The following KDM3B variants were observed in gnomAD, a reference collection of about 807,000 sequenced individuals.
KDM3B encodes lysine-specific demethylase 3B.
KDM3B carries 10 observed loss-of-function variants against 170.0 expected under a neutral mutation model. The observed-to-expected ratio is 0.06, with a 90% CI of 0.04 to 0.10. KDM3B has a LOEUF of 0.10. Ranked by LOEUF, KDM3B falls within the 10% of genes least tolerant of loss-of-function variation. KDM3B has a pLI of 1.00. For synonymous variants in KDM3B, 831 were observed against 834.8 expected, an observed-to-expected ratio of 1.00 and a Z score of 0.08; for missense variants, 1,394 against 2,195.2, an observed-to-expected ratio of 0.64 and a Z score of 7.29.
At chr5:138,403,842 AAAG>A (rs1247627402) in intron 11 of KDM3B, among the ~76,000 whole-genome samples, 1 of 147,530 alleles carries the variant, frequency 6.8e-6, no homozygotes, top group African/African-American at 2.4e-5. Context: ...AAAAAAAAAA[AAAG>A]AACTTTAATG....
intron 11 of KDM3B, among the ~76,000 whole-genome samples, chr5:138,402,216 G>T (rs1419284363): frequency 6.6e-6 from 1 of 152,088 alleles, no homozygotes; most frequent in Non-Finnish European, 1.5e-5. Context: ...GAATCACTGT[G>T]CCCAGCCATT....
chr5:138,400,154 A>G, intron 11 of KDM3B, 142 bp downstream of exon 11: 2 of 716,100 alleles, frequency 2.8e-6, no homozygotes, highest in Non-Finnish European at 4.4e-6. Context: ...GTATTTTAAG[A>G]CCTTAAAATG....
In KDM3B at chr5:138,426,583, A is replaced by G. The variant is rs1435244324; in HGVS notation, c.4412-392A>G. Among the ~76,000 whole-genome samples, 26 of 150,506 alleles carry G rather than the reference A, an allele frequency of 1.7e-4. 1 individual carries two copies. The highest frequency in any genetic ancestry group is 6.1e-4 in the African/African-American group (25 of 40,846). On this transcript the variant is annotated intron_variant, in intron 17 of 23. Coordinates refer to ENST00000314358, the MANE Select transcript of KDM3B (RefSeq NM_016604.4). ...GAGCGAGACTCCATCTCAAAAAAAA[A>G]AAAAAAAAAAAAGATTAGTCTCCTA...
chr5:138,415,968 G>A (rs779924516), intron 12 of KDM3B, among the ~76,000 whole-genome samples: 5 of 152,174 alleles, frequency 3.3e-5, no homozygotes, highest in Non-Finnish European at 7.3e-5. Flanking sequence ...GCTCATGCCT[G>A]TAATCCCAGC....
In KDM3B at chr5:138,426,981, T is replaced by C. The variant is rs1388979169; in HGVS notation, c.4418T>C (p.Leu1473Pro). 1 of 1,613,530 alleles carries C rather than the reference T, an allele frequency of 6.2e-7. No homozygotes were observed. Among genetic ancestry groups the C allele is most frequent in the South Asian group, 1.1e-5 (1 of 91,082 alleles). Residue 1473 changes from leucine to proline, a missense_variant, in exon 18 of 24, where the codon CTA becomes CCA. This residue lies in a region of KDM3B where 66 missense variants were observed against 178.8 expected (regional missense o/e 0.37). Coordinates refer to ENST00000314358, the MANE Select transcript of KDM3B (RefSeq NM_016604.4). ...AGTATTCTCTGTCTTCCAGAACGAC[T>C]ACGGTCAGAAGATGGGCAGCCAATG... ...WDGFEIICKR[L>P]RSEDGQPMVL... is the part of the protein sequence containing the mutation.
intron 1 of KDM3B, among the ~76,000 whole-genome samples, chr5:138,361,191 T>G (rs757628429): frequency 6.6e-6 from 1 of 152,184 alleles, no homozygotes; most frequent in Non-Finnish European, 1.5e-5. Context: ...AGGTTGGTGG[T>G]TTTTAAGCCC....
chr5:138,353,173 G>C (rs1761371923), intron 1 of KDM3B, among the ~76,000 whole-genome samples, 186 bp downstream of exon 1: 2 of 152,198 alleles, frequency 1.3e-5, no homozygotes, highest in South Asian at 2.1e-4. Flanking sequence ...CCGCGTCGGG[G>C]TGTGCGCCCC....
intron 11 of KDM3B, among the ~76,000 whole-genome samples, chr5:138,408,886 G>A (rs1209030468): frequency 1.3e-5 from 2 of 152,048 alleles, no homozygotes. Flanking sequence ...TGCTTGGGAG[G>A]GAGAATCTAA....
At chr5:138,359,619 G>A (rs1475041758) in intron 1 of KDM3B, among the ~76,000 whole-genome samples, 1 of 151,972 alleles carries the variant, frequency 6.6e-6, no homozygotes, top group Non-Finnish European at 1.5e-5. Context: ...GAATATTTTT[G>A]TAATTGGCAA....
At chr5:138,376,064 C>T (rs1761992131) in intron 3 of KDM3B, among the ~76,000 whole-genome samples, 1 of 152,116 alleles carries the variant, frequency 6.6e-6, no homozygotes. Flanking sequence ...GCAACGTCCA[C>T]CTCCCGGTTT....
chr5:138,388,165 A>G (rs1354881521), intron 7 of KDM3B, among the ~76,000 whole-genome samples: 1 of 152,210 alleles, frequency 6.6e-6, no homozygotes, highest in African/African-American at 2.4e-5. Flanking sequence ...CAGGTTTTAC[A>G]TGCTATAAAA....
chr5:138,379,705 T>C lies in KDM3B; in HGVS notation c.702T>C (p.Thr234=), dbSNP rs1477327341. 1.4e-5 allele frequency: 23 copies of C among 1,613,130 alleles called. No individual in the cohort carries two copies. The highest frequency in any genetic ancestry group is 1.7e-5 in the Non-Finnish European group (20 of 1,179,638). The stretch of plus-strand genomic sequence containing the variant: ...CTCGTCTTATGGAGGTGTCTGTAAC[T>C]GAGGTGAGACTCTGTGTTATTCTGT... The part of the protein sequence containing the change: ...SITRLMEVSV[T]ESGEIKSVDP... The change falls in exon 5 of 24, where the codon ACT becomes ACC. Residue 234 remains threonine, a synonymous_variant. Transcript: ENST00000314358.
At chr5:138,402,095 A>AT (rs1299537127) in intron 11 of KDM3B, among the ~76,000 whole-genome samples, 2 of 151,438 alleles carry the variant, frequency 1.3e-5, no homozygotes, top group African/African-American at 4.9e-5. Flanking sequence ...TGCCCAGCTA[A>AT]TTTTTTTTGG....
intron 1 of KDM3B, among the ~76,000 whole-genome samples, chr5:138,370,426 C>T (rs1761843975): frequency 6.6e-6 from 1 of 151,922 alleles, no homozygotes; most frequent in African/African-American, 2.4e-5. Flanking sequence ...CCATACTTTC[C>T]AAGTATAAAT....
At chr5:138,358,171 T>TG (rs1238895517) in intron 1 of KDM3B, among the ~76,000 whole-genome samples, 1 of 151,636 alleles carries the variant, frequency 6.6e-6, no homozygotes, top group South Asian at 2.1e-4. Context: ...TTAGTAGAGA[T>TG]GGGGTTTCAC....
chr5:138,426,941 G>A, intron 17 of KDM3B, 34 bp from the exon 18 acceptor site: 2 of 1,522,072 alleles, frequency 1.3e-6, no homozygotes, highest in Non-Finnish European at 1.8e-6. Context: ...AGCCAAACCA[G>A]CAGATGTTTG....
intron 12 of KDM3B, among the ~76,000 whole-genome samples, chr5:138,415,739 C>T (rs886452755): frequency 6.6e-6 from 1 of 151,990 alleles, no homozygotes; most frequent in Non-Finnish European, 1.5e-5. Context: ...TGTGAGCCAC[C>T]GTGCTGAGCC....
Position 138,403,997 on chromosome 5 carries a change from T to C in KDM3B, c.3199+3985T>C, listed in dbSNP as rs558401550. Among the ~76,000 whole-genome samples the C allele has an allele frequency of 6.6e-5, 10 of 151,910 alleles. No individual in the cohort carries two copies. The South Asian group carries it at 8.3e-4, about 13-fold the overall frequency. ...TCTCAGGTATTTACACCAGATGAGA[T>C]TAACAGCAGATTAGATAATGTAGAA... On this transcript the variant is annotated intron_variant, in intron 11 of 23. Transcript: ENST00000314358.
intron 17 of KDM3B, among the ~76,000 whole-genome samples, chr5:138,426,266 G>A (rs1250521606): frequency 6.6e-6 from 1 of 152,064 alleles, no homozygotes; most frequent in Non-Finnish European, 1.5e-5. Flanking sequence ...GGGTTTACAA[G>A]TCTGAAATAA....
Sources: gnomAD v4.1 joint callset for allele counts (sites outside exome capture counted in the v4.1 genomes callset) on GRCh38, gnomAD v4.1.1 for gene constraint, gnomAD v4.1.1 regional missense constraint, MANE v1.5 for transcripts, NCBI Gene and HGNC (gene_info 2026-07-23, HGNC 2026-07-21) for gene names.